The following TCF12 variants were observed in gnomAD, a reference collection of about 807,000 sequenced individuals.
TCF12 encodes DNA-binding protein HTF4.
TCF12 carries 45 observed loss-of-function variants against 86.0 expected under a neutral mutation model. That is an observed-to-expected ratio of 0.52 (90% CI 0.41 to 0.67). The LOEUF (loss-of-function observed/expected upper bound fraction) is 0.67, where lower values mean the gene tolerates loss of function less well. TCF12 is among the 30% of genes least tolerant of loss of function. The pLI is 0.00. For missense variants in TCF12, 881 were observed against 859.9 expected (o/e 1.02, Z -0.31); for synonymous variants, 330 against 299.6 (o/e 1.10, Z -1.05).
At chr15:57,047,186 C>T (rs546927237) in intron 3 of TCF12, among the ~76,000 whole-genome samples, 5 of 152,262 alleles carry the variant, frequency 3.3e-5, no homozygotes, top group South Asian at 2.1e-4. Context: ...CTTTTTCTAA[C>T]GGGTTTTACA....
intron 7 of TCF12, among the ~76,000 whole-genome samples, chr15:57,194,336 TGAG>T (rs1395992315): frequency 5.3e-5 from 8 of 151,996 alleles, no homozygotes; most frequent in African/African-American, 1.9e-4. Context: ...ATGTTACAAA[TGAG>T]GAGCTAAGAC....
intron 3 of TCF12, among the ~76,000 whole-genome samples, chr15:56,973,820 A>G (rs1031506519): frequency 2.6e-5 from 4 of 152,142 alleles, no homozygotes; most frequent in Admixed American, 6.5e-5. Context: ...CAGTAAAGGG[A>G]CAAGTTGACA....
At chr15:56,999,235 G>A (rs1291722413) in intron 3 of TCF12, among the ~76,000 whole-genome samples, 3 of 149,922 alleles carry the variant, frequency 2.0e-5, no homozygotes, top group Non-Finnish European at 4.4e-5. Context: ...GGAGAAACTA[G>A]TCAAAGAACA....
chr15:57,003,980 C>T (rs1212564766), intron 3 of TCF12, among the ~76,000 whole-genome samples: 2 of 152,110 alleles, frequency 1.3e-5, no homozygotes, highest in African/African-American at 2.4e-5. Flanking sequence ...CATGGTAGTG[C>T]ATCAGTCTGC....
intron 3 of TCF12, among the ~76,000 whole-genome samples, chr15:56,965,778 C>T (rs560589013): frequency 1.3e-5 from 2 of 152,034 alleles, no homozygotes; most frequent in African/African-American, 2.4e-5. Context: ...TCTCTTATTG[C>T]AAGTCGAGTG....
chr15:56,937,087 C>CT (rs2060501742), intron 3 of TCF12, among the ~76,000 whole-genome samples: 1 of 152,112 alleles, frequency 6.6e-6, no homozygotes, highest in Non-Finnish European at 1.5e-5. Context: ...AATATTGATT[C>CT]TGCCATGATT....
intron 6 of TCF12, among the ~76,000 whole-genome samples, chr15:57,173,713 CTT>C (rs201899689): frequency 3.5e-5 from 5 of 141,828 alleles, no homozygotes; most frequent in Non-Finnish European, 3.1e-5. Context: ...ATCTTTTTTT[CTT>C]TTTTTTTTTT....
At chr15:57,160,783 C>G (rs1194497247) in intron 5 of TCF12, among the ~76,000 whole-genome samples, 1 of 152,064 alleles carries the variant, frequency 6.6e-6, no homozygotes, top group Non-Finnish European at 1.5e-5. Flanking sequence ...GCCTCAAACT[C>G]CCAGGTTCAA....
At chr15:56,956,547 T>G (rs1272511909) in intron 3 of TCF12, among the ~76,000 whole-genome samples, 1 of 152,208 alleles carries the variant, frequency 6.6e-6, no homozygotes, top group African/African-American at 2.4e-5. Context: ...CTTCAACAAC[T>G]TTAACCTTTT....
At chr15:57,233,923 C>T (rs1411288673) in intron 11 of TCF12, 120 bp from the exon 12 acceptor site, 3 of 749,892 alleles carry the variant, frequency 4.0e-6, no homozygotes, top group Non-Finnish European at 7.1e-6. Context: ...TAGAGTATTT[C>T]CTAGTTTACT....
At chr15:56,998,453 GT>G (rs1391412997) in intron 3 of TCF12, among the ~76,000 whole-genome samples, 2 of 83,190 alleles carry the variant, frequency 2.4e-5, no homozygotes, top group Non-Finnish European at 5.0e-5. Flanking sequence ...GTGAAACTCT[GT>G]CTCAAAAAAA....
intron 16 of TCF12, among the ~76,000 whole-genome samples, chr15:57,259,621 C>T (rs930047782): frequency 2.0e-5 from 3 of 152,162 alleles, no homozygotes; most frequent in South Asian, 2.1e-4. Context: ...ATGGCATGGG[C>T]CTTTTATTCT....
At chr15:57,180,409 A>G (rs2056252721) in intron 6 of TCF12, among the ~76,000 whole-genome samples, 4 of 152,154 alleles carry the variant, frequency 2.6e-5, no homozygotes, top group Non-Finnish European at 4.4e-5. Flanking sequence ...TTTTAGAACA[A>G]TTTTGTTTCT....
At chr15:57,049,988 C>G (rs1343325099) in intron 3 of TCF12, among the ~76,000 whole-genome samples, 2 of 152,126 alleles carry the variant, frequency 1.3e-5, no homozygotes, top group Non-Finnish European at 2.9e-5. Context: ...AGCTGGACCT[C>G]CTTCAGTTAT....
intron 5 of TCF12, among the ~76,000 whole-genome samples, chr15:57,133,275 C>T (rs183446970): frequency 1.7e-3 from 258 of 152,338 alleles, no homozygotes; most frequent in African/African-American, 6.0e-3. Flanking sequence ...TTTAGCACTG[C>T]GTGCCTTGCT....
intron 3 of TCF12, among the ~76,000 whole-genome samples, chr15:56,937,536 GCC>G (rs1268599754): frequency 6.6e-6 from 1 of 151,764 alleles, no homozygotes; most frequent in Admixed American, 6.6e-5. Flanking sequence ...TGATTTGGGT[GCC>G]CTTTTTCTTT....
intron 6 of TCF12, among the ~76,000 whole-genome samples, chr15:57,188,512 C>T (rs2151689966): frequency 6.6e-6 from 1 of 152,224 alleles, no homozygotes; most frequent in East Asian, 1.9e-4. Flanking sequence ...CAAGTAGCCA[C>T]AACAATACTG....
At chr15:57,086,156 T>C (rs1207161180) in intron 4 of TCF12, among the ~76,000 whole-genome samples, 1 of 150,208 alleles carries the variant, frequency 6.7e-6, no homozygotes, top group African/African-American at 2.4e-5. Context: ...AGAAAAAAAA[T>C]AGGGTCCCTG....
intron 5 of TCF12, among the ~76,000 whole-genome samples, chr15:57,163,625 C>T (rs1419396444): frequency 6.6e-6 from 1 of 152,140 alleles, no homozygotes. Context: ...ATTGCTTGAG[C>T]CCAGAAGTTG....
Sources: allele counts gnomAD v4.1 joint callset (sites outside exome capture counted in the v4.1 genomes callset), GRCh38; gene constraint gnomAD v4.1.1; transcripts MANE v1.5; gene names NCBI Gene and HGNC (gene_info 2026-07-23, HGNC 2026-07-21).